The following ZNF407 variants were observed in gnomAD, a reference collection of about 807,000 sequenced individuals.
ZNF407 encodes zinc finger protein 407.
ZNF407 carries 17 observed loss-of-function variants against 131.2 expected under a neutral mutation model. The ratio of observed to expected loss-of-function variants is 0.13; its 90% CI spans 0.09 to 0.19. ZNF407 has a LOEUF of 0.19. Ranked by LOEUF, ZNF407 falls within the 10% of genes least tolerant of loss-of-function variation. ZNF407 has a pLI of 1.00. For synonymous variants in ZNF407, 1,156 were observed against 1,062.0 expected (o/e 1.09, Z -1.72); for missense variants, 2,681 against 2,830.6 (o/e 0.95, Z 1.20).
chr18:74,791,906 C>T (rs989628029), intron 4 of ZNF407, among the ~76,000 whole-genome samples: 20 of 152,218 alleles, frequency 1.3e-4, no homozygotes, highest in African/African-American at 4.8e-4. Flanking sequence ...TGAGAGTTTT[C>T]TTTTTCATGA....
intron 4 of ZNF407, among the ~76,000 whole-genome samples, chr18:74,801,653 A>G (rs1223767288): frequency 6.6e-6 from 1 of 152,180 alleles, no homozygotes; most frequent in Non-Finnish European, 1.5e-5. Context: ...CCGCAGATGC[A>G]TGTCGAGGTC....
intron 3 of ZNF407, among the ~76,000 whole-genome samples, chr18:74,652,348 C>T (rs1341878271): frequency 6.6e-6 from 1 of 151,960 alleles, no homozygotes; most frequent in Non-Finnish European, 1.5e-5. Flanking sequence ...TTAATACTTG[C>T]TAGGGTTTTT....
At chr18:74,830,746 T>A (rs1970471058) in intron 4 of ZNF407, among the ~76,000 whole-genome samples, 1 of 152,204 alleles carries the variant, frequency 6.6e-6, no homozygotes, top group Non-Finnish European at 1.5e-5. Context: ...ATCTGAAACA[T>A]TTATCATTTC....
At chr18:74,936,893 T>C (rs1972046285) in intron 8 of ZNF407, among the ~76,000 whole-genome samples, 1 of 152,222 alleles carries the variant, frequency 6.6e-6, no homozygotes. Flanking sequence ...AACTTTTTGG[T>C]GAGAGAGGTT....
chr18:74,666,064 C>T (rs541121044), intron 3 of ZNF407, among the ~76,000 whole-genome samples: 1 of 152,262 alleles, frequency 6.6e-6, no homozygotes, highest in South Asian at 2.1e-4. Context: ...CAGACAAGTT[C>T]CAGAGCAGGA....
chr18:74,750,592 C>T (rs949605750), intron 3 of ZNF407, among the ~76,000 whole-genome samples: 1 of 152,130 alleles, frequency 6.6e-6, no homozygotes, highest in Non-Finnish European at 1.5e-5. Flanking sequence ...GACCCAGCAC[C>T]GTTTGGTATT....
chr18:74,868,447 A>G (rs1971042832), intron 4 of ZNF407, among the ~76,000 whole-genome samples: 1 of 152,264 alleles, frequency 6.6e-6, no homozygotes, highest in East Asian at 1.9e-4. Flanking sequence ...AGCACGAAGA[A>G]TGATAGGAAA....
At chr18:74,668,383 A>T (rs759129331) in intron 3 of ZNF407, among the ~76,000 whole-genome samples, 17 of 152,208 alleles carry the variant, frequency 1.1e-4, no homozygotes, top group Admixed American at 2.6e-4. Context: ...ATCTGAAGGG[A>T]TACTCAGCTT....
chr18:74,652,220 A>T (rs1985259772), intron 3 of ZNF407, among the ~76,000 whole-genome samples: 1 of 152,164 alleles, frequency 6.6e-6, no homozygotes, highest in Non-Finnish European at 1.5e-5. Flanking sequence ...ATCAAAGTTA[A>T]GTACCTTTTT....
At chr18:74,747,265 A>G (rs1423426429) in intron 3 of ZNF407, among the ~76,000 whole-genome samples, 1 of 152,160 alleles carries the variant, frequency 6.6e-6, no homozygotes, top group Non-Finnish European at 1.5e-5. Flanking sequence ...AGAAAACAGA[A>G]CCGTGATTTC....
At chr18:74,691,287 A>T (rs911867120) in intron 3 of ZNF407, among the ~76,000 whole-genome samples, 5 of 151,886 alleles carry the variant, frequency 3.3e-5, no homozygotes, top group East Asian at 1.9e-4. Context: ...CTCAAAAAAA[A>T]AATAATAATA....
intron 8 of ZNF407, among the ~76,000 whole-genome samples, chr18:74,952,095 T>A (rs1972221285): frequency 6.6e-6 from 1 of 152,128 alleles, no homozygotes; most frequent in Non-Finnish European, 1.5e-5. Context: ...TGCCCCTTAT[T>A]ACTAATGAGG....
chr18:74,929,185 C>G (rs531746583), intron 8 of ZNF407, among the ~76,000 whole-genome samples: 2 of 152,054 alleles, frequency 1.3e-5, no homozygotes, highest in Non-Finnish European at 2.9e-5. Flanking sequence ...AAACTATATT[C>G]TCCCCTTCCT....
intron 3 of ZNF407, among the ~76,000 whole-genome samples, chr18:74,664,633 A>C (rs1344377404): frequency 6.6e-6 from 1 of 152,210 alleles, no homozygotes; most frequent in Non-Finnish European, 1.5e-5. Context: ...AAGTTGAAGA[A>C]ATAGCCTTAA....
intron 1 of ZNF407, among the ~76,000 whole-genome samples, chr18:74,624,054 T>G (rs1033296954): frequency 1.2e-4 from 18 of 152,192 alleles, no homozygotes; most frequent in African/African-American, 4.3e-4. Flanking sequence ...GGAAGAAATC[T>G]GAGGCTCATT....
chr18:74,702,187 C>A (rs1461213904), intron 3 of ZNF407, among the ~76,000 whole-genome samples: 1 of 151,980 alleles, frequency 6.6e-6, no homozygotes, highest in African/African-American at 2.4e-5. Context: ...CAGTTGGTAC[C>A]CACTGATAAT....
At chr18:74,779,059 G>T (rs1469724638) in intron 3 of ZNF407, among the ~76,000 whole-genome samples, 7 of 134,942 alleles carry the variant, frequency 5.2e-5, no homozygotes, top group Admixed American at 4.0e-4. Context: ...GTCCATATGG[G>T]TCAGTAATTT....
intron 8 of ZNF407, among the ~76,000 whole-genome samples, chr18:75,023,518 CTAAG>C (rs1255845255): frequency 6.6e-6 from 1 of 152,066 alleles, no homozygotes; most frequent in African/African-American, 2.4e-5. Flanking sequence ...AACTACCTGT[CTAAG>C]TAAATCAGAG....
intron 6 of ZNF407, among the ~76,000 whole-genome samples, chr18:74,888,454 A>G (rs958812566): frequency 2.0e-5 from 3 of 152,164 alleles, no homozygotes; most frequent in African/African-American, 7.2e-5. Context: ...CAATATTTTT[A>G]TCATAATCTT....
Sources: allele counts gnomAD v4.1 joint callset (sites outside exome capture counted in the v4.1 genomes callset), GRCh38; gene constraint gnomAD v4.1.1; transcripts MANE v1.5; gene names NCBI Gene and HGNC (gene_info 2026-07-23, HGNC 2026-07-21).